The following DEPTOR variants were observed in gnomAD, a reference collection of about 807,000 sequenced individuals.
The protein encoded by DEPTOR is DEP domain-containing mTOR-interacting protein.
DEPTOR carries 41 observed loss-of-function variants against 41.6 expected under a neutral mutation model. That is an observed-to-expected ratio of 0.98 (90% CI 0.77 to 1.28). The LOEUF is 1.28. DEPTOR is among the 50% of genes most tolerant of loss of function. DEPTOR has a pLI of 0.00. For synonymous variants in DEPTOR, 195 were observed against 192.3 expected, an observed-to-expected ratio of 1.01 and a Z score of -0.12; for missense variants, 514 against 527.9, an observed-to-expected ratio of 0.97 and a Z score of 0.26.
rs60003356 is a variant in DEPTOR at position 120,032,211 on chromosome 8, CTTTTTT to C, written c.1102-17345_1102-17340del. 2.4e-3 allele frequency among the ~76,000 whole-genome samples: 287 copies of C among 120,856 alleles called. 2 individuals carry two copies. The highest frequency in any genetic ancestry group is 8.0e-3 in the African/African-American group (249 of 31,306). The allele number at this position is 120,856 out of a possible 152,430, so 79.3% of individuals were successfully genotyped here. A position where few individuals can be genotyped will look rare whatever the true frequency, so the allele number is the denominator to read the frequency against. ...TTCATTCTAATATGACACTAACTTTCTTTTTTTTTTTTTTTTTTTTTTTTTGAGACA... is the reference window on the plus strand; with the variant it reads ...TTCATTCTAATATGACACTAACTTTCTTTTTTTTTTTTTTTTTTTGAGACA... On this transcript the variant is annotated intron_variant, in intron 8 of 8. Transcript: ENST00000286234.
intron 8 of DEPTOR, among the ~76,000 whole-genome samples, chr8:120,012,911 C>T (rs1279763119): frequency 3.3e-5 from 5 of 151,710 alleles, no homozygotes; most frequent in African/African-American, 4.8e-5. Flanking sequence ...AATCCCAGCA[C>T]GCTGGGAGGC....
At chr8:119,945,099 G>A (rs549551564) in intron 3 of DEPTOR, among the ~76,000 whole-genome samples, 4 of 152,094 alleles carry the variant, frequency 2.6e-5, no homozygotes, top group African/African-American at 7.2e-5. Flanking sequence ...TGCACCTTGA[G>A]GCCTCACACA....
intron 8 of DEPTOR, among the ~76,000 whole-genome samples, chr8:120,025,859 T>C (rs1812788637): frequency 6.6e-6 from 1 of 151,990 alleles, no homozygotes; most frequent in African/African-American, 2.4e-5. Context: ...AGATCCATCA[T>C]TGGTTTCCCA....
chr8:119,911,693 T>C lies in DEPTOR; in HGVS notation c.123-16707T>C, dbSNP rs986338815. Among the ~76,000 whole-genome samples the C allele has an allele frequency of 2.6e-5, 4 of 152,198 alleles. No individual in the cohort carries two copies. In the East Asian group the frequency reaches 5.8e-4, roughly 22 times the overall value. On this transcript the variant is annotated intron_variant, in intron 1 of 8. Coordinates refer to ENST00000286234, the MANE Select transcript of DEPTOR (RefSeq NM_022783.4). ...GGGTTATGTAACATTTCTTATCCAG[T>C]GGAACTAAACACACACGGGTAGTCC...
chr8:120,043,936 C>T (rs1413225282), intron 8 of DEPTOR, among the ~76,000 whole-genome samples: 1 of 151,616 alleles, frequency 6.6e-6, no homozygotes, highest in Non-Finnish European at 1.5e-5. Context: ...TGTTTGAACC[C>T]GGGTGTAGGA....
chr8:119,988,806 T>C (rs1828862087), intron 4 of DEPTOR, among the ~76,000 whole-genome samples: 1 of 152,232 alleles, frequency 6.6e-6, no homozygotes, highest in East Asian at 1.9e-4. Context: ...ACATATGTTG[T>C]TTCATTGTTC....
chr8:120,034,300 T>C (rs1303666296), intron 8 of DEPTOR, among the ~76,000 whole-genome samples: 2 of 103,684 alleles, frequency 1.9e-5, no homozygotes, highest in African/African-American at 3.5e-5. Context: ...CACACACACA[T>C]TGTATTCGTA....
chr8:119,990,853 A>G (rs1812147868), intron 4 of DEPTOR, among the ~76,000 whole-genome samples: 1 of 152,100 alleles, frequency 6.6e-6, no homozygotes, highest in Non-Finnish European at 1.5e-5. Context: ...AGAGTTTTGT[A>G]TCCCAAGCAG....
At chr8:119,987,116 G>A (rs1414907681) in intron 4 of DEPTOR, among the ~76,000 whole-genome samples, 1 of 151,996 alleles carries the variant, frequency 6.6e-6, no homozygotes, top group Non-Finnish European at 1.5e-5. Flanking sequence ...GGGCATTCTG[G>A]TTTTTGGAAT....
At chr8:119,971,018 C>T (rs973720709) in intron 4 of DEPTOR, among the ~76,000 whole-genome samples, 2 of 152,002 alleles carry the variant, frequency 1.3e-5, no homozygotes, top group African/African-American at 4.8e-5. Context: ...ATCACAAGGT[C>T]GGGAGATCGA....
Position 120,049,934 on chromosome 8 carries a change from C to CA in DEPTOR, c.*231dup. 2.6e-6 allele frequency: 1 copy of CA among 380,100 alleles called. No individual in the cohort carries two copies. 23.5% of individuals were successfully genotyped at this position (380,100 alleles called of 1,614,324 possible). A position where few individuals can be genotyped will look rare whatever the true frequency, so the allele number is the denominator to read the frequency against. On this transcript the variant is annotated 3_prime_UTR_variant, in exon 9 of 9. Coordinates refer to ENST00000286234, the MANE Select transcript of DEPTOR (RefSeq NM_022783.4). Reference sequence around the variant, plus strand: ...AAACATTTGGGAAACCATTTTCCTACATGATAGAACTGCCTTACTAGATTT... The same window carrying CA: ...AAACATTTGGGAAACCATTTTCCTACAATGATAGAACTGCCTTACTAGATTT...
At chr8:119,988,958 CTTTTTTTTTTTTTTT>C (rs71571643) in intron 4 of DEPTOR, among the ~76,000 whole-genome samples, 2 of 93,976 alleles carry the variant, frequency 2.1e-5, no homozygotes, top group South Asian at 7.3e-4. Context: ...TTTTTTTTTT[CTTTTTTTTTTTTTTT>C]TTTTTTTAAT....
chr8:119,951,072 A>AACACACACAC (rs35455263), intron 3 of DEPTOR, among the ~76,000 whole-genome samples: 2 of 141,452 alleles, frequency 1.4e-5, no homozygotes, highest in African/African-American at 5.4e-5. Context: ...CACACACACA[A>AACACACACAC]ACACACACAC....
At chr8:119,948,745 A>G (rs1475320197) in intron 3 of DEPTOR, among the ~76,000 whole-genome samples, 3 of 151,480 alleles carry the variant, frequency 2.0e-5, no homozygotes, top group African/African-American at 7.3e-5. Flanking sequence ...ACATTAATCT[A>G]CTTTCTGTCT....
intron 4 of DEPTOR, among the ~76,000 whole-genome samples, chr8:119,986,268 A>G (rs1435362302): frequency 2.0e-5 from 3 of 152,114 alleles, no homozygotes; most frequent in African/African-American, 7.2e-5. Flanking sequence ...AAAGGATTTT[A>G]TTTCTCCTTC....
At chr8:119,946,017 T>TGGTC (rs1828267363) in intron 3 of DEPTOR, among the ~76,000 whole-genome samples, 2 of 152,282 alleles carry the variant, frequency 1.3e-5, no homozygotes, top group Admixed American at 1.3e-4. Flanking sequence ...CTCCCTCGGT[T>TGGTC]GGTCGGGCGC....
intron 8 of DEPTOR, among the ~76,000 whole-genome samples, chr8:120,033,081 CT>C (rs35161313): frequency 0.13 from 12,729 of 98,734 alleles, 728 homozygotes; most frequent in African/African-American, 0.27. Flanking sequence ...ATATGGAATT[CT>C]TTTTTTTTTT....
chr8:120,032,077 T>C (rs1389483673), intron 8 of DEPTOR, among the ~76,000 whole-genome samples: 1 of 152,162 alleles, frequency 6.6e-6, no homozygotes, highest in Non-Finnish European at 1.5e-5. Flanking sequence ...GAGAACAGGT[T>C]GTAACCCATC....
In DEPTOR at chr8:120,001,654, C is replaced by T; in HGVS notation, c.734C>T (p.Pro245Leu). 9 of 1,614,018 alleles carry T rather than the reference C, an allele frequency of 5.6e-6. No homozygotes were observed. The highest frequency in any genetic ancestry group is 7.6e-6 in the Non-Finnish European group (9 of 1,179,982). ...SPSSQETHDS[P>L]FCLRKQSHDN... ...TCCTCCCAGGAAACTCATGACAGTC[C>T]CTTCTGCCTGAGGAAGCAGAGCCAT... Residue 245 changes from proline to leucine, a missense_variant, in exon 5 of 9, where the codon CCC becomes CTC. Pro to Leu is a moderately conservative substitution (Grantham distance 98). Coordinates refer to ENST00000286234, the MANE Select transcript of DEPTOR (RefSeq NM_022783.4).
Sources: gnomAD v4.1 joint callset for allele counts (sites outside exome capture counted in the v4.1 genomes callset) on GRCh38, gnomAD v4.1.1 for gene constraint, MANE v1.5 for transcripts, NCBI Gene and HGNC (gene_info 2026-07-23, HGNC 2026-07-21) for gene names.